The following KDM2A variants were observed in gnomAD, a reference collection of about 807,000 sequenced individuals.
The protein encoded by KDM2A is lysine demethylase 2A.
Under a neutral mutation model 137.3 loss-of-function variants are expected in KDM2A, and 3 were observed. The observed-to-expected ratio is 0.02, with a 90% CI of 0.01 to 0.06. The LOEUF (loss-of-function observed/expected upper bound fraction) is 0.06, where lower values mean the gene tolerates loss of function less well. Ranked by LOEUF, KDM2A falls within the 10% of genes least tolerant of loss-of-function variation. The pLI, the probability that KDM2A is intolerant of heterozygous loss-of-function variation, is 1.00. For synonymous variants in KDM2A, 512 were observed against 541.5 expected (o/e 0.95, Z 0.76); for missense variants, 738 against 1,510.6 (o/e 0.49, Z 8.48).
chr11:67,242,392 A>T (rs1859072606), intron 12 of KDM2A, among the ~76,000 whole-genome samples: 1 of 152,196 alleles, frequency 6.6e-6, no homozygotes, highest in Non-Finnish European at 1.5e-5. Flanking sequence ...TCTGCACATT[A>T]GGCTGTACCA....
rs375518283 is a variant in KDM2A at position 67,250,749 on chromosome 11, C to G, written c.2719C>G (p.Arg907Gly). Residue 907 changes from arginine to glycine, a missense_variant, in exon 17 of 21, where the codon CGC becomes GGC. Arg to Gly is a moderately radical substitution (Grantham distance 125). Coordinates refer to ENST00000529006, the MANE Select transcript of KDM2A (RefSeq NM_012308.3). This position sits in a 1 kb window ranked among gnomAD's most constrained non-coding sequence, Gnocchi z 7.1. ...VWMSVFRYLS[R>G]RELCECMRVC... ...GATGTCTGTCTTCCGCTACCTCAGC[C>G]GCAGAGAACTTTGTGAATGTATGCG... 1 of 1,546,530 alleles carries G rather than the reference C, an allele frequency of 6.5e-7. No individual in the cohort carries two copies. Among genetic ancestry groups the G allele is most frequent in the African/African-American group, 1.4e-5 (1 of 72,950 alleles).
intron 2 of KDM2A, among the ~76,000 whole-genome samples, chr11:67,139,662 A>G (rs1225198365): frequency 6.6e-6 from 1 of 151,632 alleles, no homozygotes; most frequent in African/African-American, 2.4e-5. Flanking sequence ...TACAGGCATG[A>G]GCCACCACGA....
intron 5 of KDM2A, among the ~76,000 whole-genome samples, chr11:67,202,441 G>A (rs1186360029): frequency 6.6e-6 from 1 of 152,114 alleles, no homozygotes; most frequent in Non-Finnish European, 1.5e-5. Flanking sequence ...GTGAAAGGAA[G>A]TATCAATCCA....
At chr11:67,237,101 AT>A (rs1317871236) in intron 12 of KDM2A, among the ~76,000 whole-genome samples, 5 of 152,326 alleles carry the variant, frequency 3.3e-5, no homozygotes, top group Non-Finnish European at 5.9e-5. Context: ...TAGGATATAA[AT>A]TTATTACTAC....
At chr11:67,169,792 C>G (rs1443927923) in intron 2 of KDM2A, among the ~76,000 whole-genome samples, 1 of 118,446 alleles carries the variant, frequency 8.4e-6, no homozygotes, top group East Asian at 3.0e-4. Context: ...GAGTCTCACT[C>G]TGTCACTCAG....
At chr11:67,192,309 C>G (rs1004461495) in intron 5 of KDM2A, among the ~76,000 whole-genome samples, 3 of 151,934 alleles carry the variant, frequency 2.0e-5, no homozygotes, top group Non-Finnish European at 4.4e-5. Flanking sequence ...GTGTACAAAT[C>G]ATTCTGCAAC....
At chr11:67,145,709 C>T (rs1373408453) in intron 2 of KDM2A, among the ~76,000 whole-genome samples, 1 of 151,974 alleles carries the variant, frequency 6.6e-6, no homozygotes, top group South Asian at 2.1e-4. Flanking sequence ...TTTCTCATTA[C>T]TTGAAAATGA....
At chr11:67,175,626 A>G (rs2136330251) in intron 2 of KDM2A, among the ~76,000 whole-genome samples, 1 of 152,334 alleles carries the variant, frequency 6.6e-6, no homozygotes, top group East Asian at 1.9e-4. Flanking sequence ...ATTTAAGGAG[A>G]AGAAAAGCAT....
chr11:67,122,328 T>C (rs1855615193), intron 2 of KDM2A, among the ~76,000 whole-genome samples: 1 of 152,152 alleles, frequency 6.6e-6, no homozygotes, highest in Non-Finnish European at 1.5e-5. Flanking sequence ...TTCTTTATTA[T>C]TTATTTATTT....
chr11:67,186,671 A>G lies in KDM2A; in HGVS notation c.307+4779A>G, dbSNP rs767773174. 3.3e-5 allele frequency among the ~76,000 whole-genome samples: 5 copies of G among 152,266 alleles called. No individual in the cohort carries two copies. The East Asian group carries it at 5.8e-4, about 18-fold the overall frequency. On this transcript the variant is annotated intron_variant, in intron 5 of 20. Coordinates refer to ENST00000529006, the MANE Select transcript of KDM2A (RefSeq NM_012308.3). ...TTTCTCCATAGTTTAAGAGACGAGCATATTTTTTAAAAGACAGTTGTTAGC... is the reference window on the plus strand; with the variant it reads ...TTTCTCCATAGTTTAAGAGACGAGCGTATTTTTTAAAAGACAGTTGTTAGC...
intron 13 of KDM2A, 117 bp downstream of exon 13, chr11:67,243,209 A>G: frequency 1.5e-6 from 1 of 684,816 alleles, no homozygotes; most frequent in Admixed American, 2.4e-5. Context: ...CATTAATACA[A>G]ACTGACAGAA....
intron 10 of KDM2A, among the ~76,000 whole-genome samples, chr11:67,221,653 A>C (rs747529775): frequency 6.6e-6 from 1 of 152,218 alleles, no homozygotes; most frequent in Non-Finnish European, 1.5e-5. Context: ...ATAAAAGTAC[A>C]TTTCTTTTTA....
At chr11:67,160,784 A>C (rs1043843046) in intron 2 of KDM2A, among the ~76,000 whole-genome samples, 1 of 148,482 alleles carries the variant, frequency 6.7e-6, no homozygotes, top group African/African-American at 2.5e-5. Flanking sequence ...AAAAAACAAC[A>C]AAAAAAAAAT....
chr11:67,138,628 A>C (rs1338395766), intron 2 of KDM2A, among the ~76,000 whole-genome samples: 2 of 152,156 alleles, frequency 1.3e-5, no homozygotes, highest in African/African-American at 2.4e-5. Context: ...CAAAAACACA[A>C]AAATTAACCA....
rs535262151 is a variant in KDM2A, at chr11:67,217,486, G to A, written c.688-245G>A. ...GAGCTGAATGGTCCCTCTTCTCTCC[G>A]AGTCCTGGATGGTGTATAGTCAAAC... On this transcript the variant is annotated intron_variant, in intron 8 of 20. Transcript: ENST00000529006. The A allele has an allele frequency of 1.7e-4, 81 of 486,466 alleles. 1 individual carries two copies. The highest frequency in any genetic ancestry group is 1.4e-3 in the South Asian group (62 of 44,906). The allele number at this position is 486,466 out of a possible 1,614,324, so 30.1% of individuals were successfully genotyped here.
chr11:67,191,472 G>A (rs72928937), intron 5 of KDM2A, among the ~76,000 whole-genome samples: 5,179 of 152,124 alleles, frequency 0.034, 117 homozygotes, highest in Non-Finnish European at 0.057. Context: ...ACTAAATTCA[G>A]CAGCATATTA....
At chr11:67,176,978 C>T (rs1856984149) in intron 2 of KDM2A, among the ~76,000 whole-genome samples, 1 of 151,846 alleles carries the variant, frequency 6.6e-6, no homozygotes, top group African/African-American at 2.4e-5. Context: ...ATAAACTAGG[C>T]TGGGCACGGT....
At chr11:67,127,048 C>T (rs1855746906) in intron 2 of KDM2A, among the ~76,000 whole-genome samples, 1 of 152,062 alleles carries the variant, frequency 6.6e-6, no homozygotes, top group African/African-American at 2.4e-5. Flanking sequence ...ATAGAAGCTT[C>T]CTTTTGATGC....
intron 12 of KDM2A, among the ~76,000 whole-genome samples, chr11:67,238,713 A>G (rs773945894): frequency 2.6e-5 from 4 of 152,254 alleles, no homozygotes; most frequent in Non-Finnish European, 4.4e-5. Flanking sequence ...CTGGAAATAA[A>G]TAAGAATGCT....
Sources: allele counts gnomAD v4.1 joint callset (sites outside exome capture counted in the v4.1 genomes callset), GRCh38; gene constraint gnomAD v4.1.1; non-coding constraint Gnocchi (gnomAD v3.1); transcripts MANE v1.5; gene names NCBI Gene and HGNC (gene_info 2026-07-23, HGNC 2026-07-21).